Variants in CDC42BPA observed in about 807,000 individuals in gnomAD.
The protein encoded by CDC42BPA is serine/threonine-protein kinase MRCK alpha.
In CDC42BPA, 80 loss-of-function variants were observed where a neutral mutation model predicts 223.5. That is an observed-to-expected ratio of 0.36 (90% confidence interval 0.30 to 0.43). The LOEUF (loss-of-function observed/expected upper bound fraction) is 0.43, where lower values mean the gene tolerates loss of function less well. CDC42BPA is among the 20% of genes least tolerant of loss of function. The pLI is 1.00. For missense variants in CDC42BPA, 1,743 were observed against 2,099.9 expected (o/e 0.83, Z 3.32); for synonymous variants, 694 against 718.6 (o/e 0.97, Z 0.55).
chr1:227,312,299 G>T (rs1170318703), intron 1 of CDC42BPA, among the ~76,000 whole-genome samples: 1 of 152,072 alleles, frequency 6.6e-6, no homozygotes, highest in African/African-American at 2.4e-5. Context: ...ATTTTTGACT[G>T]CCATAAAAGA....
At chr1:227,079,288 T>C (rs1220334752) in intron 17 of CDC42BPA, among the ~76,000 whole-genome samples, 1 of 152,164 alleles carries the variant, frequency 6.6e-6, no homozygotes, top group Non-Finnish European at 1.5e-5. Flanking sequence ...AGTGAGTGTT[T>C]TGTGGCATCA....
chr1:227,155,082 T>C (rs190936625), intron 6 of CDC42BPA, among the ~76,000 whole-genome samples: 1 of 152,176 alleles, frequency 6.6e-6, no homozygotes, highest in African/African-American at 2.4e-5. Flanking sequence ...GTCACAAACT[T>C]GGGAAAAGCT....
rs200831036 is a variant in CDC42BPA at position 227,241,120 on chromosome 1, G to GAT, written c.270+12942_270+12943dup. Among the ~76,000 whole-genome samples the GAT allele has an allele frequency of 5.0e-3, 755 of 152,074 alleles. 2 individuals are homozygous for GAT. The highest frequency in any genetic ancestry group is 7.0e-3 in the Non-Finnish European group (478 of 67,902). On this transcript the variant is annotated intron_variant, in intron 2 of 36. Coordinates refer to ENST00000366766, the MANE Select transcript of CDC42BPA (RefSeq NM_001394014.1). ...CACACAAAAACCCCATGATTATGCTGATATATAACACAAATGCAAACAACA... is the reference window on the plus strand; with the variant it reads ...CACACAAAAACCCCATGATTATGCTGATATATATAACACAAATGCAAACAACA...
intron 31 of CDC42BPA, among the ~76,000 whole-genome samples, chr1:227,023,702 C>T (rs1260735268): frequency 1.3e-5 from 2 of 152,182 alleles, no homozygotes; most frequent in Middle Eastern, 3.4e-3. Flanking sequence ...AAACTAAATG[C>T]ATACATATGA....
intron 35 of CDC42BPA, among the ~76,000 whole-genome samples, chr1:227,000,898 C>T (rs1572162284): frequency 6.6e-6 from 1 of 151,838 alleles, no homozygotes; most frequent in African/African-American, 2.4e-5. Context: ...AGACCACATA[C>T]TGTACTCAGG....
chr1:227,315,358 T>C (rs1200210326), intron 1 of CDC42BPA, among the ~76,000 whole-genome samples: 1 of 152,036 alleles, frequency 6.6e-6, no homozygotes, highest in Non-Finnish European at 1.5e-5. Context: ...TAAAACTACT[T>C]ACCTAAACTC....
At chr1:227,273,995 C>CAAAAAAAAAAAAAA (rs10599884) in intron 1 of CDC42BPA, among the ~76,000 whole-genome samples, 3 of 57,002 alleles carry the variant, frequency 5.3e-5, no homozygotes, top group Non-Finnish European at 9.6e-5. Flanking sequence ...TCGTATACAC[C>CAAAAAAAAAAAAAA]AAAAAAAAAA....
chr1:227,060,030 GTTTTTTT>G (rs66527313), intron 21 of CDC42BPA, among the ~76,000 whole-genome samples: 4 of 117,690 alleles, frequency 3.4e-5, no homozygotes, highest in African/African-American at 6.5e-5. Context: ...GTTTTTTTTT[GTTTTTTT>G]TTTTTTTTTT....
chr1:227,191,990 T>C (rs1669794264), intron 5 of CDC42BPA, among the ~76,000 whole-genome samples: 1 of 150,938 alleles, frequency 6.6e-6, no homozygotes, highest in Admixed American at 6.6e-5. Context: ...AACTGCATTG[T>C]ACAATTTTCA....
chr1:227,264,854 A>G, intron 1 of CDC42BPA: 1 of 1,529,750 alleles, frequency 6.5e-7, no homozygotes, highest in Non-Finnish European at 9.0e-7. Flanking sequence ...TCCTTCAGGT[A>G]AGTCTGGAAC....
chr1:227,243,756 TCACA>T (rs5781477), intron 2 of CDC42BPA, among the ~76,000 whole-genome samples: 10,909 of 146,466 alleles, frequency 0.074, 435 homozygotes, highest in African/African-American at 0.1. Flanking sequence ...AAAAGATTTG[TCACA>T]CACACACACA....
At chr1:227,185,425 C>T (rs958577733) in intron 5 of CDC42BPA, among the ~76,000 whole-genome samples, 4 of 152,076 alleles carry the variant, frequency 2.6e-5, no homozygotes, top group Non-Finnish European at 5.9e-5. Context: ...GTATGGCTGC[C>T]CCTACATATC....
At chr1:227,242,269 A>T (rs992663502) in intron 2 of CDC42BPA, among the ~76,000 whole-genome samples, 4 of 152,148 alleles carry the variant, frequency 2.6e-5, no homozygotes, top group African/African-American at 9.6e-5. Flanking sequence ...GAAAAAGAGT[A>T]ATCATTTTTT....
rs533967258 is a variant in CDC42BPA at position 227,265,439 on chromosome 1, A to C, written c.179-11284T>G. Among the ~76,000 whole-genome samples the C allele has an allele frequency of 1.5e-3, 222 of 152,156 alleles. 1 individual carries two copies. The highest frequency in any genetic ancestry group is 5.3e-3 in the African/African-American group (218 of 41,518). ...TTTCAAAAATTAGGCCGGGCACAGT[A>C]GCTCATGCCTGTAATCCCAGCACTT... On this transcript the variant is annotated intron_variant, in intron 1 of 36. Coordinates refer to ENST00000366766, the MANE Select transcript of CDC42BPA (RefSeq NM_001394014.1).
At chr1:227,118,120 T>C (rs1466513959) in intron 12 of CDC42BPA, among the ~76,000 whole-genome samples, 1 of 152,090 alleles carries the variant, frequency 6.6e-6, no homozygotes, top group Non-Finnish European at 1.5e-5. Context: ...AAGTAATAAA[T>C]CTGGAAATAT....
At chr1:227,271,480 A>G (rs1360421299) in intron 1 of CDC42BPA, among the ~76,000 whole-genome samples, 1 of 152,144 alleles carries the variant, frequency 6.6e-6, no homozygotes, top group Non-Finnish European at 1.5e-5. Context: ...TCATTCTTCA[A>G]GTAAACATCT....
chr1:227,112,245 A>T, intron 14 of CDC42BPA, 67 bp downstream of exon 14: 1 of 865,360 alleles, frequency 1.2e-6, no homozygotes. Flanking sequence ...TATACAAGCT[A>T]ACACTCCTAA....
chr1:227,224,815 T>C (rs895342060), intron 2 of CDC42BPA, among the ~76,000 whole-genome samples: 1 of 152,228 alleles, frequency 6.6e-6, no homozygotes, highest in Non-Finnish European at 1.5e-5. Flanking sequence ...GAAAATCATT[T>C]GAAGTGTAGT....
At chr1:227,139,481 AT>A (rs1229747649) in intron 10 of CDC42BPA, 94 bp downstream of exon 10, 8 of 781,906 alleles carry the variant, frequency 1.0e-5, no homozygotes, top group Non-Finnish European at 1.3e-5. Flanking sequence ...ACTTAAAATA[AT>A]TTTTTTCAAA....
Sources: allele counts gnomAD v4.1 joint callset (sites outside exome capture counted in the v4.1 genomes callset), GRCh38; gene constraint gnomAD v4.1.1; transcripts MANE v1.5; gene names NCBI Gene and HGNC (gene_info 2026-07-23, HGNC 2026-07-21).